Variants in COL24A1 observed in about 807,000 individuals in gnomAD.
The protein encoded by COL24A1 is collagen type XXIV alpha 1 chain.
In COL24A1, 224 loss-of-function variants were observed where a neutral mutation model predicts 253.9. The observed-to-expected ratio is 0.88, with a 90% CI of 0.79 to 0.99. The LOEUF is 0.99. Ranked by LOEUF, COL24A1 falls within the 50% of genes least tolerant of loss-of-function variation. The pLI is 0.00. For synonymous variants in COL24A1, 685 were observed against 673.7 expected, an observed-to-expected ratio of 1.02 and a Z score of -0.26; for missense variants, 2,131 against 2,068.5, an observed-to-expected ratio of 1.03 and a Z score of -0.59.
At chr1:86,046,609 G>C (rs991224676) in intron 12 of COL24A1, among the ~76,000 whole-genome samples, 1 of 152,004 alleles carries the variant, frequency 6.6e-6, no homozygotes, top group Non-Finnish European at 1.5e-5. Flanking sequence ...ATAGTGAAAG[G>C]GTTAGAAGTG....
Position 85,911,432 on chromosome 1 carries a change from C to T in COL24A1, c.2564G>A (p.Gly855Glu), listed in dbSNP as rs776294044. The change falls in exon 25 of 60, where the codon GGA (glycine) becomes GAA (glutamate). Residue 855 changes from glycine (G) to glutamate (E), a missense_variant and splice_region_variant. Coordinates refer to ENST00000370571, the MANE Select transcript of COL24A1 (RefSeq NM_152890.7). ...AACTTCTCCAGGTAAGCCAACAGGT[C>T]CCTTTTAGGAAAAAAAAATAACAGA... ...QGNIGKIGETGPVGLPGEVGM... is the reference protein window; with the variant it reads ...QGNIGKIGETEPVGLPGEVGM... The T allele has an allele frequency of 2.5e-6, 4 of 1,611,334 alleles. No homozygotes were observed. The highest frequency in any genetic ancestry group is 1.6e-4 in the Middle Eastern group (1 of 6,076).
chr1:85,865,620 C>T (rs924350874), intron 37 of COL24A1, among the ~76,000 whole-genome samples: 6 of 152,126 alleles, frequency 3.9e-5, no homozygotes, highest in South Asian at 2.1e-4. Context: ...TGGTATTCTA[C>T]GGTATATGTT....
chr1:85,925,534 C>A (rs1373774245), intron 24 of COL24A1, among the ~76,000 whole-genome samples: 1 of 152,172 alleles, frequency 6.6e-6, no homozygotes, highest in South Asian at 2.1e-4. Context: ...CTACAACTAT[C>A]TGATCTTTGA....
chr1:85,970,099 T>C lies in COL24A1; in HGVS notation c.2463+128A>G, dbSNP rs1189947197. The C allele has an allele frequency of 3.6e-6, 3 of 827,244 alleles. No homozygotes were observed. The East Asian group carries it at 8.2e-5, about 23-fold the overall frequency. 51.2% of individuals were successfully genotyped at this position (827,244 alleles called of 1,614,324 possible). On this transcript the variant is annotated intron_variant, in intron 22 of 59. Transcript: ENST00000370571. ...ATTGGCCTATTTTATTTTGGGGCAT[T>C]TTATGACTTTAATTTGTTTTCATTT...
intron 24 of COL24A1, among the ~76,000 whole-genome samples, chr1:85,919,922 TC>T (rs1467458722): frequency 6.6e-6 from 1 of 152,240 alleles, no homozygotes. Flanking sequence ...GAAATCTAAC[TC>T]AATTAGTTTA....
chr1:85,756,194 C>G (rs1271788866), intron 55 of COL24A1, among the ~76,000 whole-genome samples: 1 of 151,730 alleles, frequency 6.6e-6, no homozygotes, highest in Non-Finnish European at 1.5e-5. Context: ...CCGAGGTAGG[C>G]AGATCACTTG....
intron 33 of COL24A1, among the ~76,000 whole-genome samples, chr1:85,875,774 C>A (rs1033307133): frequency 1.4e-5 from 2 of 146,452 alleles, no homozygotes; most frequent in African/African-American, 2.5e-5. Context: ...CACAGAGCTT[C>A]TTTTCCAGCC....
rs934721517 is a variant in COL24A1 at position 85,938,549 on chromosome 1, G to A, written c.2562+22700C>T. Among the ~76,000 whole-genome samples, 14 of 146,346 alleles carry A rather than the reference G, an allele frequency of 9.6e-5. 1 individual carries two copies. Among genetic ancestry groups the A allele is most frequent in the Admixed American group, 4.8e-4 (7 of 14,498 alleles). ...GCTAGGGGCTGTAATTTGTATGACT[G>A]ATTCCTCTTCTAAGCTTCCCTCAGG... is the stretch of plus-strand genomic sequence containing the variant. On this transcript the variant is annotated intron_variant, in intron 24 of 59. Transcript: ENST00000370571.
At chr1:85,831,155 C>G (rs922331388) in intron 43 of COL24A1, among the ~76,000 whole-genome samples, 2 of 151,958 alleles carry the variant, frequency 1.3e-5, no homozygotes, top group Non-Finnish European at 2.9e-5. Context: ...CACACACGAG[C>G]CTTAGCAAAA....
chr1:85,905,799 G>C (rs1684761761), intron 28 of COL24A1, among the ~76,000 whole-genome samples: 1 of 152,082 alleles, frequency 6.6e-6, no homozygotes, highest in South Asian at 2.1e-4. Flanking sequence ...AGTGGTTTAG[G>C]AAAAGACTGT....
At chr1:86,036,222 AG>A (rs1163702125) in intron 12 of COL24A1, among the ~76,000 whole-genome samples, 14 of 152,108 alleles carry the variant, frequency 9.2e-5, no homozygotes, top group African/African-American at 3.4e-4. Flanking sequence ...CCCAGCTTCA[AG>A]TGATACCTCC....
intron 37 of COL24A1, among the ~76,000 whole-genome samples, chr1:85,864,814 G>A (rs1011207323): frequency 3.9e-5 from 6 of 151,982 alleles, no homozygotes; most frequent in Non-Finnish European, 7.4e-5. Flanking sequence ...TATAAAACAG[G>A]ACAATTTCAT....
chr1:85,761,928 C>A (rs958493643), intron 53 of COL24A1, among the ~76,000 whole-genome samples: 2 of 152,132 alleles, frequency 1.3e-5, no homozygotes, highest in African/African-American at 4.8e-5. Flanking sequence ...TTCTTAGACA[C>A]ATTAATTTCC....
chr1:85,819,490 A>T (rs1391742763), intron 45 of COL24A1, among the ~76,000 whole-genome samples: 2 of 152,072 alleles, frequency 1.3e-5, no homozygotes, highest in Non-Finnish European at 2.9e-5. Context: ...TTGAATTTTA[A>T]AATAGTCCAA....
chr1:85,754,699 A>T lies in COL24A1; in HGVS notation c.4437+6697T>A, dbSNP rs72948691. On this transcript the variant is annotated intron_variant, in intron 55 of 59. Coordinates refer to ENST00000370571, the MANE Select transcript of COL24A1 (RefSeq NM_152890.7). ...AATAGCTGAAATAAAAATTTACTAG[A>T]TAGGCTCTACAGTAGATTTCCATAG... Among the ~76,000 whole-genome samples the T allele has an allele frequency of 6.6e-5, 10 of 152,256 alleles. No homozygotes were observed. The East Asian group carries it at 1.7e-3, about 26-fold the overall frequency.
chr1:86,036,232 C>T (rs1349657899), intron 12 of COL24A1, among the ~76,000 whole-genome samples: 2 of 152,038 alleles, frequency 1.3e-5, no homozygotes, highest in East Asian at 3.9e-4. Context: ...AGTGATACCT[C>T]CTGCCTCAGC....
At chr1:85,915,682 T>C (rs1338875780) in intron 24 of COL24A1, among the ~76,000 whole-genome samples, 1 of 152,230 alleles carries the variant, frequency 6.6e-6, no homozygotes, top group Non-Finnish European at 1.5e-5. Context: ...AGAGTCTCGC[T>C]GTGTCGCCTG....
chr1:85,942,107 T>G (rs1165560386), intron 24 of COL24A1, among the ~76,000 whole-genome samples: 1 of 152,164 alleles, frequency 6.6e-6, no homozygotes, highest in Non-Finnish European at 1.5e-5. Flanking sequence ...GAAAAAGATG[T>G]TTTCAAGAGA....
At chr1:85,814,198 T>C (rs904324644) in intron 47 of COL24A1, among the ~76,000 whole-genome samples, 2 of 152,226 alleles carry the variant, frequency 1.3e-5, no homozygotes, top group Non-Finnish European at 2.9e-5. Context: ...AATTGGGTTA[T>C]AGAATGCAAA....
Sources: allele counts gnomAD v4.1 joint callset (sites outside exome capture counted in the v4.1 genomes callset), GRCh38; gene constraint gnomAD v4.1.1; transcripts MANE v1.5; gene names NCBI Gene and HGNC (gene_info 2026-07-23, HGNC 2026-07-21).